Variants in GRIK1 observed in about 807,000 individuals in gnomAD.
GRIK1 encodes glutamate receptor ionotropic, kainate 1.
In GRIK1, 69 loss-of-function variants were observed where a neutral mutation model predicts 105.7. That is an observed-to-expected ratio of 0.65 (90% CI 0.54 to 0.80). The LOEUF is 0.80. Ranked by LOEUF, GRIK1 falls within the 30% of genes least tolerant of loss-of-function variation. GRIK1 has a pLI of 0.00. For missense variants in GRIK1, 1,109 were observed against 1,167.3 expected, an observed-to-expected ratio of 0.95 and a Z score of 0.73; for synonymous variants, 438 against 431.3, an observed-to-expected ratio of 1.02 and a Z score of -0.19.
intron 1 of GRIK1, among the ~76,000 whole-genome samples, chr21:29,729,017 T>C (rs531311560): frequency 5.9e-5 from 9 of 152,214 alleles, no homozygotes; most frequent in Non-Finnish European, 1.2e-4. Context: ...TTCCAAGTTG[T>C]CATCTGGATT....
At chr21:29,610,543 G>A (rs2061710049) in intron 7 of GRIK1, among the ~76,000 whole-genome samples, 1 of 152,124 alleles carries the variant, frequency 6.6e-6, no homozygotes, top group Non-Finnish European at 1.5e-5. Flanking sequence ...GGAGGAAAGG[G>A]TCCATAAGCC....
At chr21:29,808,044 G>T (rs1174826075) in intron 1 of GRIK1, among the ~76,000 whole-genome samples, 5 of 152,146 alleles carry the variant, frequency 3.3e-5, no homozygotes, top group Non-Finnish European at 5.9e-5. Context: ...CTCAGGATTG[G>T]CCTATTCTCC....
At chr21:29,751,846 A>T (rs561067402) in intron 1 of GRIK1, among the ~76,000 whole-genome samples, 1 of 152,322 alleles carries the variant, frequency 6.6e-6, no homozygotes, top group South Asian at 2.1e-4. Context: ...ATTATTTGCC[A>T]TTCCAATTCC....
intron 1 of GRIK1, among the ~76,000 whole-genome samples, chr21:29,918,266 G>A (rs2071068719): frequency 6.6e-6 from 1 of 152,020 alleles, no homozygotes; most frequent in South Asian, 2.1e-4. Context: ...ATTAATAATG[G>A]CAGTTAACTT....
chr21:29,589,857 T>C (rs73900019), intron 10 of GRIK1, among the ~76,000 whole-genome samples: 3 of 152,256 alleles, frequency 2.0e-5, no homozygotes, highest in African/African-American at 7.2e-5. Context: ...TATTCACTTA[T>C]GATTTATATA....
At chr21:29,654,647 A>AAAGAAAGAAAGAAAAAAAG (rs1555859779) in intron 5 of GRIK1, among the ~76,000 whole-genome samples, 163 bp downstream of exon 5, 1 of 148,734 alleles carries the variant, frequency 6.7e-6, no homozygotes, top group East Asian at 1.9e-4. Flanking sequence ...AAGAAAGAAA[A>AAAGAAAGAAAGAAAAAAAG]AAAGCCTGCT....
intron 16 of GRIK1, among the ~76,000 whole-genome samples, chr21:29,540,160 T>C (rs1601061361): frequency 6.6e-6 from 1 of 152,170 alleles, no homozygotes; most frequent in Admixed American, 6.5e-5. Flanking sequence ...AGAGTGGTCA[T>C]AGATATTACC....
At chr21:29,614,445 C>A (rs1448655464) in intron 7 of GRIK1, among the ~76,000 whole-genome samples, 1 of 130,554 alleles carries the variant, frequency 7.7e-6, no homozygotes, top group Non-Finnish European at 1.6e-5. Flanking sequence ...CGGAGTTTCG[C>A]CCTTGTTGCC....
At position 29,620,808 on chromosome 21, in the gene GRIK1, T is replaced by TATAG. The variant is rs201663571; in HGVS notation, c.1099-21872_1099-21871insCTAT. On this transcript the variant is annotated intron_variant, in intron 7 of 17. Coordinates refer to ENST00000327783, the MANE Select transcript of GRIK1 (RefSeq NM_001330994.2). ...ATATATATATCTATATATATATAGA[T>TATAG]ATATATATATAGTAATAATATATTA... Among the ~76,000 whole-genome samples, 1,091 of 122,308 alleles carry TATAG rather than the reference T, an allele frequency of 8.9e-3. 7 individuals are homozygous for TATAG. The highest frequency in any genetic ancestry group is 0.013 in the African/African-American group (365 of 27,772). 80.2% of individuals were successfully genotyped at this position (122,308 alleles called of 152,430 possible). A position where few individuals can be genotyped will look rare whatever the true frequency, so the allele number is the denominator to read the frequency against.
chr21:29,607,342 T>C (rs945693890), intron 7 of GRIK1, among the ~76,000 whole-genome samples: 79 of 151,294 alleles, frequency 5.2e-4, no homozygotes, highest in African/African-American at 1.9e-3. Flanking sequence ...TTTCAAGACA[T>C]GGCTAAGGTT....
chr21:29,824,796 G>A (rs370521076), intron 1 of GRIK1, among the ~76,000 whole-genome samples: 6 of 152,072 alleles, frequency 3.9e-5, no homozygotes, highest in South Asian at 2.1e-4. Context: ...ACTATGGAGG[G>A]TCATAAGAAG....
chr21:29,591,291 C>T (rs185445726), intron 9 of GRIK1, 66 bp from the exon 10 acceptor site: 549 of 906,228 alleles, frequency 6.1e-4, no homozygotes, highest in Non-Finnish European at 9.5e-4. Flanking sequence ...AAAGAGAGGC[C>T]CCTTCTCTAC....
chr21:29,886,216 T>C (rs2069622939), intron 1 of GRIK1, among the ~76,000 whole-genome samples: 1 of 152,156 alleles, frequency 6.6e-6, no homozygotes, highest in East Asian at 1.9e-4. Context: ...AAAATGCCTG[T>C]GAGTTCCAAG....
intron 1 of GRIK1, among the ~76,000 whole-genome samples, chr21:29,824,784 A>G (rs2067403410): frequency 6.6e-6 from 1 of 152,000 alleles, no homozygotes; most frequent in Non-Finnish European, 1.5e-5. Context: ...TTTAATGGCA[A>G]TACTATGGAG....
chr21:29,710,961 G>A (rs576290836), intron 1 of GRIK1, among the ~76,000 whole-genome samples: 7 of 150,538 alleles, frequency 4.6e-5, no homozygotes, highest in South Asian at 2.1e-4. Flanking sequence ...TTGGATTGTC[G>A]CCTTCCTATT....
chr21:29,776,874 A>G (rs957458203), intron 1 of GRIK1, among the ~76,000 whole-genome samples: 3 of 152,168 alleles, frequency 2.0e-5, no homozygotes, highest in African/African-American at 7.2e-5. Flanking sequence ...CATCTGAATT[A>G]TTGTTCTGGG....
intron 1 of GRIK1, among the ~76,000 whole-genome samples, chr21:29,820,061 A>T (rs1445359086): frequency 6.6e-6 from 1 of 152,104 alleles, no homozygotes; most frequent in African/African-American, 2.4e-5. Flanking sequence ...AAAAAAAATT[A>T]ACAGCAACTG....
At chr21:29,591,908 A>G (rs2061339180) in intron 9 of GRIK1, among the ~76,000 whole-genome samples, 1 of 152,018 alleles carries the variant, frequency 6.6e-6, no homozygotes, top group South Asian at 2.1e-4. Context: ...AAAATTAGCC[A>G]GGCATGATGG....
chr21:29,767,815 T>C (rs2065709383), intron 1 of GRIK1, among the ~76,000 whole-genome samples: 1 of 148,920 alleles, frequency 6.7e-6, no homozygotes, highest in Non-Finnish European at 1.5e-5. Context: ...TGTATGTATG[T>C]GTGTGTGTGT....
Sources: gnomAD v4.1 joint callset for allele counts (sites outside exome capture counted in the v4.1 genomes callset) on GRCh38, gnomAD v4.1.1 for gene constraint, MANE v1.5 for transcripts, NCBI Gene and HGNC (gene_info 2026-07-23, HGNC 2026-07-21) for gene names.